TMTC2: variants seen among roughly 807,000 people sequenced by gnomAD.
TMTC2 encodes the protein protein O-mannosyl-transferase TMTC2.
TMTC2 carries 43 observed loss-of-function variants against 82.4 expected under a neutral mutation model. The observed-to-expected ratio is 0.52, with a 90% CI of 0.41 to 0.67. The LOEUF is 0.67. Ranked by LOEUF, TMTC2 falls within the 30% of genes least tolerant of loss-of-function variation. The probability of loss-of-function intolerance (pLI) is 0.00; values close to 1 mark genes in which losing one functional copy is unlikely to be tolerated. For missense variants in TMTC2, 919 were observed against 1,012.4 expected, an observed-to-expected ratio of 0.91 and a Z score of 1.25; for synonymous variants, 408 against 381.9, an observed-to-expected ratio of 1.07 and a Z score of -0.80.
chr12:82,790,103 G>A (rs914884473), intron 1 of TMTC2, among the ~76,000 whole-genome samples: 8 of 147,700 alleles, frequency 5.4e-5, no homozygotes, highest in African/African-American at 2.1e-4. Flanking sequence ...TTAGGAGGCT[G>A]AGGAGGTAGG....
At chr12:82,874,361 A>G (rs571351405) in intron 2 of TMTC2, among the ~76,000 whole-genome samples, 1 of 152,234 alleles carries the variant, frequency 6.6e-6, no homozygotes, top group Non-Finnish European at 1.5e-5. Flanking sequence ...TCAGGACCAA[A>G]TTGCATGCTA....
chr12:83,025,725 A>G (rs11115544), intron 8 of TMTC2, among the ~76,000 whole-genome samples: 89,983 of 152,006 alleles, frequency 0.59, 27,170 homozygotes, highest in South Asian at 0.73. Flanking sequence ...ATGACTACAA[A>G]TTGGAGGTTC....
Position 82,896,246 on chromosome 12 carries a change from G to T in TMTC2, c.1083G>T (p.Gln361His). 1 of 1,614,048 alleles carries T rather than the reference G, an allele frequency of 6.2e-7. No individual in the cohort carries two copies. Among genetic ancestry groups the T allele is most frequent in the Non-Finnish European group, 8.5e-7 (1 of 1,180,024 alleles). Residue 361 changes from glutamine (Q) to histidine (H), a missense_variant, in exon 3 of 12, where the codon CAG (glutamine) becomes CAT (histidine). By Grantham distance (24) the Gln-to-His change is conservative (BLOSUM62 0). Transcript: ENST00000321196. ...GHSCLSDVEY[Q>H]NSETKSSFAS... ...GCTGCCTTTCAGATGTGGAGTACCA[G>T]AACTCAGAGACTAAGTCCAGCTTTG...
intron 1 of TMTC2, among the ~76,000 whole-genome samples, chr12:82,832,601 C>A (rs77481442): frequency 0.069 from 10,430 of 152,158 alleles, 375 homozygotes; most frequent in Middle Eastern, 0.19. Flanking sequence ...CTTTGCAAAG[C>A]AGTGGTGACG....
chr12:82,926,656 T>C (rs769434658), intron 3 of TMTC2, among the ~76,000 whole-genome samples: 3 of 152,194 alleles, frequency 2.0e-5, no homozygotes, highest in Non-Finnish European at 4.4e-5. Flanking sequence ...TAGAGAGGTG[T>C]TAGTGCCTGG....
chr12:82,836,670 G>A (rs2137083456), intron 1 of TMTC2, among the ~76,000 whole-genome samples: 1 of 152,266 alleles, frequency 6.6e-6, no homozygotes, highest in South Asian at 2.1e-4. Context: ...ATAAATTTGT[G>A]TTTGTTTATC....
At chr12:83,096,956 A>G (rs563697783) in intron 11 of TMTC2, among the ~76,000 whole-genome samples, 1 of 152,268 alleles carries the variant, frequency 6.6e-6, no homozygotes, top group East Asian at 1.9e-4. Flanking sequence ...TAATCTTTAT[A>G]TATTTGTATG....
chr12:82,778,364 A>G lies in TMTC2; in HGVS notation c.84-78646A>G, dbSNP rs374086564. On this transcript the variant is annotated intron_variant, in intron 1 of 11. Coordinates refer to ENST00000321196, the MANE Select transcript of TMTC2 (RefSeq NM_152588.3). Reference sequence around the variant, plus strand: ...TTTCATCCTTCTGACAAAGTTTGAAATAAGATTTGCTAAGTATTAAACTGG... The same window carrying G: ...TTTCATCCTTCTGACAAAGTTTGAAGTAAGATTTGCTAAGTATTAAACTGG... Among the ~76,000 whole-genome samples the G allele has an allele frequency of 8.5e-5, 13 of 152,284 alleles. 2 individuals carry two copies. The highest frequency in any genetic ancestry group is 3.1e-4 in the African/African-American group (13 of 41,578).
intron 1 of TMTC2, among the ~76,000 whole-genome samples, chr12:82,855,124 C>A (rs560198211): frequency 1.3e-5 from 2 of 152,152 alleles, no homozygotes; most frequent in Non-Finnish European, 2.9e-5. Context: ...ATCACAGAAA[C>A]TGAAGCTCAG....
At chr12:82,818,984 C>T (rs186336502) in intron 1 of TMTC2, among the ~76,000 whole-genome samples, 12 of 151,970 alleles carry the variant, frequency 7.9e-5, no homozygotes, top group Admixed American at 2.0e-4. Flanking sequence ...AGATAACTTA[C>T]GGACTACATT....
intron 9 of TMTC2, among the ~76,000 whole-genome samples, chr12:83,032,142 A>G (rs1035617054): frequency 4.0e-5 from 6 of 151,498 alleles, no homozygotes. Context: ...ATTGCATGTT[A>G]TAAAATAGGA....
At chr12:82,761,439 CAT>C (rs2136980295) in intron 1 of TMTC2, among the ~76,000 whole-genome samples, 1 of 152,220 alleles carries the variant, frequency 6.6e-6, no homozygotes, top group South Asian at 2.1e-4. Context: ...CAGGGAGACT[CAT>C]ACAATTCACA....
intron 3 of TMTC2, among the ~76,000 whole-genome samples, chr12:82,913,650 A>C (rs1425578531): frequency 6.6e-6 from 1 of 152,122 alleles, no homozygotes; most frequent in African/African-American, 2.4e-5. Context: ...CCTCTATCTT[A>C]CTTAACCCTC....
chr12:82,719,671 C>T (rs1490012240), intron 1 of TMTC2, among the ~76,000 whole-genome samples: 17 of 128,118 alleles, frequency 1.3e-4, no homozygotes, highest in South Asian at 4.9e-4. Context: ...GTCTCTCTGT[C>T]TTTTTTTTTT....
intron 1 of TMTC2, among the ~76,000 whole-genome samples, chr12:82,792,774 C>T (rs1196379947): frequency 6.6e-5 from 10 of 151,926 alleles, no homozygotes; most frequent in Non-Finnish European, 1.5e-5. Flanking sequence ...CCTGGCCTCT[C>T]GATGTTACTT....
chr12:82,811,043 A>G (rs1056501528), intron 1 of TMTC2, among the ~76,000 whole-genome samples: 24 of 152,000 alleles, frequency 1.6e-4, no homozygotes, highest in African/African-American at 5.8e-4. Context: ...CATCCTGGCT[A>G]ACACAGTGAA....
At chr12:82,819,597 G>A (rs1283019834) in intron 1 of TMTC2, among the ~76,000 whole-genome samples, 1 of 150,478 alleles carries the variant, frequency 6.6e-6, no homozygotes, top group Non-Finnish European at 1.5e-5. Context: ...CACCTCCCAG[G>A]TCCAAGCGAT....
At chr12:83,101,619 T>C (rs917135560) in intron 11 of TMTC2, among the ~76,000 whole-genome samples, 1 of 152,104 alleles carries the variant, frequency 6.6e-6, no homozygotes, top group Non-Finnish European at 1.5e-5. Flanking sequence ...GTTGGAATCA[T>C]AGAGTGGAAA....
chr12:83,100,189 G>A (rs1236013071), intron 11 of TMTC2, among the ~76,000 whole-genome samples: 2 of 151,968 alleles, frequency 1.3e-5, no homozygotes, highest in East Asian at 3.9e-4. Flanking sequence ...CTAAGTGCTG[G>A]GATTATAGGT....
Sources: allele counts gnomAD v4.1 joint callset (sites outside exome capture counted in the v4.1 genomes callset), GRCh38; gene constraint gnomAD v4.1.1; transcripts MANE v1.5; gene names NCBI Gene and HGNC (gene_info 2026-07-23, HGNC 2026-07-21).